Variants in TMPRSS15 observed in about 807,000 individuals in gnomAD.
TMPRSS15 encodes enteropeptidase.
In TMPRSS15, 128 loss-of-function variants were observed where a neutral mutation model predicts 125.3. The ratio of observed to expected loss-of-function variants is 1.02; its 90% CI spans 0.89 to 1.18. The LOEUF (loss-of-function observed/expected upper bound fraction) is 1.18, where lower values mean the gene tolerates loss of function less well. Among genes scored for constraint, TMPRSS15 ranks in the 50% most tolerant of loss-of-function variants. The probability of loss-of-function intolerance (pLI) is 0.00; values close to 1 mark genes in which losing one functional copy is unlikely to be tolerated. For missense variants in TMPRSS15, 1,283 were observed against 1,212.7 expected (o/e 1.06, Z -0.86); for synonymous variants, 446 against 423.2 (o/e 1.05, Z -0.66).
Position 18,270,117 on chromosome 21 carries a change from G to T in TMPRSS15, c.2912C>A (p.Ser971Ter), listed in dbSNP as rs749861824. The T allele has an allele frequency of 2.5e-6, 4 of 1,613,684 alleles. No individual in the cohort carries two copies. Among genetic ancestry groups the T allele is most frequent in the African/African-American group, 2.7e-5 (2 of 74,822 alleles). ...TTCTTGGCACATTAATGGTCCTCCT[G>T]AATCCCCCTAAAGAGTGAATTGCAA... ...EGGIDSCQGD[S>*]GGPLMCQENN... Residue 971 changes from serine to a stop codon, truncating the protein, a stop_gained, in exon 25 of 25, where the codon TCA (serine) becomes TAA (stop). Transcript: ENST00000284885. LOFTEE classifies it high-confidence loss of function.
intron 4 of TMPRSS15, chr21:18,380,568 A>G (rs2075883963): frequency 2.1e-6 from 1 of 470,844 alleles, no homozygotes; most frequent in Non-Finnish European, 4.4e-6. Context: ...TTACTGTAGA[A>G]AAATTCTCCA....
chr21:18,426,876 T>A (rs2300512), intron 1 of TMPRSS15, among the ~76,000 whole-genome samples: 112,725 of 152,086 alleles, frequency 0.74, 42,782 homozygotes, highest in East Asian at 0.89. Context: ...AATCTAACTG[T>A]CTTCTTTTTG....
At chr21:18,430,997 A>C (rs1055233628) in intron 1 of TMPRSS15, among the ~76,000 whole-genome samples, 1 of 152,208 alleles carries the variant, frequency 6.6e-6, no homozygotes, top group Non-Finnish European at 1.5e-5. Context: ...GTACAGTCTT[A>C]GAACAGATAT....
chr21:18,310,315 A>G (rs1192859512), intron 18 of TMPRSS15, among the ~76,000 whole-genome samples: 2 of 152,190 alleles, frequency 1.3e-5, no homozygotes, highest in African/African-American at 2.4e-5. Context: ...AGAAAAACCT[A>G]AATACTCCAC....
intron 18 of TMPRSS15, among the ~76,000 whole-genome samples, chr21:18,305,208 A>ATTTTT (rs1476663166): frequency 8.4e-3 from 68 of 8,100 alleles, no homozygotes; most frequent in Non-Finnish European, 0.02. Context: ...TTTTTTTTTG[A>ATTTTT]GACGGAGTCT....
Position 18,343,567 on chromosome 21 carries a change from C to G in TMPRSS15, c.1367G>C (p.Gly456Ala). ...NMEKTVFQKE[G>A]NYGDNWNYGQ... ...ATAATTCCAATTGTCTCCATAATTT[C>G]CTTCCTTTTGGAAAACTGTCTTCTC... Residue 456 changes from glycine (G) to alanine (A), a missense_variant, in exon 12 of 25, where the codon GGA becomes GCA. Physicochemically the swap from Gly to Ala is moderately conservative, Grantham distance 60. Transcript: ENST00000284885. 6.2e-7 allele frequency: 1 copy of G among 1,613,416 alleles called. No homozygotes were observed. The highest frequency in any genetic ancestry group is 8.5e-7 in the Non-Finnish European group (1 of 1,179,498).
rs531164586 is a variant in TMPRSS15 at position 18,428,196 on chromosome 21, T to C, written c.11-29867A>G. ...CAACAAATAAGATTTGACAATCTAC[T>C]ATGCATAATTTTAAATTCAAATTTG... On this transcript the variant is annotated intron_variant, in intron 1 of 7. Transcript: ENST00000422787. Among the ~76,000 whole-genome samples the C allele has an allele frequency of 1.5e-3, 224 of 152,144 alleles. 1 individual carries two copies. Among genetic ancestry groups the C allele is most frequent in the Non-Finnish European group, 2.5e-3 (172 of 67,920 alleles).
intron 1 of TMPRSS15, among the ~76,000 whole-genome samples, chr21:18,432,944 T>C (rs1310311239): frequency 2.6e-5 from 4 of 152,128 alleles, no homozygotes; most frequent in Non-Finnish European, 4.4e-5. Context: ...TTTGTGAGAG[T>C]TAACTATTTT....
chr21:18,363,909 G>A (rs938601421), intron 7 of TMPRSS15, among the ~76,000 whole-genome samples: 1 of 152,054 alleles, frequency 6.6e-6, no homozygotes, highest in East Asian at 1.9e-4. Context: ...GGAAACAAAG[G>A]AAATTGTGTT....
intron 4 of TMPRSS15, among the ~76,000 whole-genome samples, chr21:18,380,884 C>A (rs191845200): frequency 6.6e-6 from 1 of 152,156 alleles, no homozygotes; most frequent in African/African-American, 2.4e-5. Context: ...TACATTTGAG[C>A]CAACTAATAT....
At chr21:18,394,515 TTCTC>T (rs373272853) in intron 3 of TMPRSS15, among the ~76,000 whole-genome samples, 3 of 148,630 alleles carry the variant, frequency 2.0e-5, no homozygotes, top group Non-Finnish European at 3.0e-5. Context: ...ATGTATGGCA[TTCTC>T]TCTCTCTCTC....
chr21:18,402,527 C>CA (rs60612261), intron 1 of TMPRSS15, among the ~76,000 whole-genome samples: 11,501 of 109,006 alleles, frequency 0.11, 892 homozygotes, highest in South Asian at 0.15. Context: ...GACTCTATCT[C>CA]AAAAAAAAAA....
intron 1 of TMPRSS15, among the ~76,000 whole-genome samples, chr21:18,428,337 G>C (rs1257315566): frequency 1.3e-5 from 2 of 152,108 alleles, no homozygotes; most frequent in African/African-American, 2.4e-5. Flanking sequence ...TTGATAGAAA[G>C]GAAAAACCCA....
chr21:18,349,249 A>G (rs1017678409), intron 10 of TMPRSS15, among the ~76,000 whole-genome samples: 1 of 152,292 alleles, frequency 6.6e-6, no homozygotes, highest in Admixed American at 6.5e-5. Context: ...TGAATGGGCC[A>G]CTTCTGAGCA....
intron 16 of TMPRSS15, among the ~76,000 whole-genome samples, chr21:18,325,724 T>C (rs2075281963): frequency 6.6e-6 from 1 of 151,998 alleles, no homozygotes; most frequent in African/African-American, 2.4e-5. Flanking sequence ...CAATTCATAG[T>C]CCAAGTGAAG....
intron 14 of TMPRSS15, among the ~76,000 whole-genome samples, chr21:18,331,127 C>T (rs1346201939): frequency 6.7e-6 from 1 of 150,114 alleles, no homozygotes; most frequent in African/African-American, 2.4e-5. Context: ...AACTCTGTTT[C>T]CCCAAAGAAG....
intron 5 of TMPRSS15, among the ~76,000 whole-genome samples, chr21:18,372,981 A>G (rs903621170): frequency 2.0e-5 from 3 of 152,234 alleles, no homozygotes; most frequent in African/African-American, 7.2e-5. Flanking sequence ...ATATGCCTAC[A>G]AGATAAAGAC....
At chr21:18,379,472 G>C (rs1001487924) in intron 4 of TMPRSS15, among the ~76,000 whole-genome samples, 154 bp from the exon 5 acceptor site, 3 of 151,872 alleles carry the variant, frequency 2.0e-5, no homozygotes, top group Non-Finnish European at 4.4e-5. Flanking sequence ...ATTTGTATTT[G>C]GATTTAAAAA....
intron 11 of TMPRSS15, 46 bp from the exon 12 acceptor site, chr21:18,343,702 A>G (rs2047943646): frequency 6.4e-7 from 1 of 1,571,948 alleles, no homozygotes; most frequent in Non-Finnish European, 8.7e-7. Flanking sequence ...ACAACATTAG[A>G]ATAAGTCCTT....
Sources: gnomAD v4.1 joint callset for allele counts (sites outside exome capture counted in the v4.1 genomes callset) on GRCh38, gnomAD v4.1.1 for gene constraint, MANE v1.5 for transcripts, NCBI Gene and HGNC (gene_info 2026-07-23, HGNC 2026-07-21) for gene names.